Variants in CEACAM6 observed in about 807,000 individuals in gnomAD.
The protein encoded by CEACAM6 is cell adhesion molecule CEACAM6.
Under a neutral mutation model 32.4 loss-of-function variants are expected in CEACAM6, and 21 were observed. The ratio of observed to expected loss-of-function variants is 0.65; its 90% CI spans 0.46 to 0.93. The LOEUF (loss-of-function observed/expected upper bound fraction) is 0.93, where lower values mean the gene tolerates loss of function less well. Ranked by LOEUF, CEACAM6 falls within the 40% of genes least tolerant of loss-of-function variation. The probability of loss-of-function intolerance (pLI) is 0.00; values close to 1 mark genes in which losing one functional copy is unlikely to be tolerated. For missense variants in CEACAM6, 406 were observed against 432.2 expected, an observed-to-expected ratio of 0.94 and a Z score of 0.54; for synonymous variants, 184 against 174.4, an observed-to-expected ratio of 1.06 and a Z score of -0.43.
rs144726013 is a variant in CEACAM6, at chr19:41,756,643, C to T, written c.108C>T (p.Leu36=). 2.5e-4 allele frequency: 404 copies of T among 1,614,140 alleles called. 1 individual carries two copies. In the East Asian group the frequency reaches 2.9e-3, roughly 12 times the overall value. ...TFWNPPTTAK[L]TIESTPFNVA... ...GGAACCCACCCACCACTGCCAAGCT[C>T]ACTATTGAATCCACGCCGTTCAATG... Residue 36 remains leucine (L), a synonymous_variant, in exon 2 of 6, where the codon CTC becomes CTT. Transcript: ENST00000199764.
At chr19:41,759,497 A>G (rs1188662177) in intron 2 of CEACAM6, among the ~76,000 whole-genome samples, 2 of 152,168 alleles carry the variant, frequency 1.3e-5, no homozygotes, top group African/African-American at 2.4e-5. Context: ...CCTTTATGTA[A>G]CTGACACACA....
At chr19:41,770,666 A>G (rs1399927339) in intron 5 of CEACAM6, 136 bp from the exon 6 acceptor site, 1 of 152,238 alleles carries the variant, frequency 6.6e-6, no homozygotes, top group Non-Finnish European at 1.5e-5. Flanking sequence ...GAAAACAAAT[A>G]TGTCTTACTG....
chr19:41,758,409 C>T (rs2072902397), intron 2 of CEACAM6, among the ~76,000 whole-genome samples: 1 of 152,180 alleles, frequency 6.6e-6, no homozygotes, highest in African/African-American at 2.4e-5. Flanking sequence ...TAGAGACCGG[C>T]TCCTGGATGC....
At position 41,756,710 on chromosome 19, in the gene CEACAM6, C is replaced by T. The variant is rs1555821115; in HGVS notation, c.175C>T (p.Pro59Ser). 6 of 1,614,130 alleles carry T rather than the reference C, an allele frequency of 3.7e-6. No homozygotes were observed. Among genetic ancestry groups the T allele is most frequent in the Non-Finnish European group, 5.1e-6 (6 of 1,180,028 alleles). ...KEVLLLAHNL[P>S]QNRIGYSWYK... is the part of the protein sequence containing the mutation. ...GGTTCTTCTACTCGCCCACAACCTG[C>T]CCCAGAATCGTATTGGTTACAGCTG... The change falls in exon 2 of 6, where the codon CCC (proline) becomes TCC (serine). Residue 59 changes from proline to serine, a missense_variant. By Grantham distance (74) the Pro-to-Ser change is moderately conservative. Transcript: ENST00000199764.
At position 41,761,309 on chromosome 19, in the gene CEACAM6, C is replaced by T. The variant is rs2072922112; in HGVS notation, c.485C>T (p.Ala162Val). 3 of 1,614,212 alleles carry T rather than the reference C, an allele frequency of 1.9e-6. No individual in the cohort carries two copies. The highest frequency in any genetic ancestry group is 2.5e-6 in the Non-Finnish European group (3 of 1,180,036). Residue 162 changes from alanine to valine, a missense_variant, in exon 3 of 6, where the codon GCT (alanine) becomes GTT (valine). Transcript: ENST00000199764. ...TCCAACCCCGTGGAGGACAAGGATG[C>T]TGTGGCCTTCACCTGTGAACCTGAG... ...NNSNPVEDKD[A>V]VAFTCEPEVQ...
intron 1 of CEACAM6, among the ~76,000 whole-genome samples, chr19:41,755,942 T>C (rs1195699790): frequency 3.3e-5 from 5 of 152,036 alleles, no homozygotes; most frequent in Non-Finnish European, 7.4e-5. Context: ...TCATTACCAT[T>C]TGAAAAAAAA....
intron 4 of CEACAM6, 26 bp downstream of exon 4, chr19:41,762,249 A>T: frequency 6.2e-7 from 1 of 1,602,486 alleles, no homozygotes; most frequent in Middle Eastern, 1.7e-4. Context: ...AAGCACTAGC[A>T]TCACATTTTC....
At position 41,755,667 on chromosome 19, in the gene CEACAM6, G is replaced by A. The variant is rs1452460745; in HGVS notation, c.29G>A (p.Arg10Lys). The change falls in exon 1 of 6, where the codon AGA becomes AAA. Residue 10 changes from arginine (R) to lysine (K), a missense_variant. Transcript: ENST00000199764. MGPPSAPPC[R>K]LHVPWKEVLL... is the part of the protein sequence containing the mutation. ...GGACCCCCCTCAGCCCCTCCCTGCAGATTGCATGTCCCCTGGAAGGAGGTC... is the reference window on the plus strand; with the variant it reads ...GGACCCCCCTCAGCCCCTCCCTGCAAATTGCATGTCCCCTGGAAGGAGGTC... The A allele has an allele frequency of 3.1e-6, 5 of 1,608,416 alleles. No homozygotes were observed. Among genetic ancestry groups the A allele is most frequent in the Non-Finnish European group, 4.2e-6 (5 of 1,177,618 alleles).
intron 4 of CEACAM6, among the ~76,000 whole-genome samples, chr19:41,762,513 G>C (rs1473526891): frequency 1.3e-5 from 2 of 152,094 alleles, no homozygotes; most frequent in African/African-American, 4.8e-5. Context: ...GGGCTTCACA[G>C]AGAAAAAAGG....
At chr19:41,767,080 A>C (rs559215894) in intron 5 of CEACAM6, among the ~76,000 whole-genome samples, 1 of 151,256 alleles carries the variant, frequency 6.6e-6, no homozygotes, top group South Asian at 2.1e-4. Context: ...TCTTCTCTTT[A>C]CTAATTCTTC....
rs181925778 is a variant in CEACAM6, at chr19:41,756,868, C to T, written c.333C>T (p.Asn111=). 176 of 1,614,162 alleles carry T rather than the reference C, an allele frequency of 1.1e-4. No homozygotes were observed. In the East Asian group the frequency reaches 2.0e-3, roughly 18 times the overall value. Residue 111 remains asparagine, a synonymous_variant, in exon 2 of 6, where the codon AAC becomes AAT. Transcript: ENST00000199764. ...IYPNASLLIQ[N]VTQNDTGFYT... is the part of the protein sequence containing the mutation. ...CCAATGCATCCCTGCTGATCCAGAA[C>T]GTCACCCAGAATGACACAGGATTCT...
At chr19:41,756,111 A>G (rs2072883453) in intron 1 of CEACAM6, among the ~76,000 whole-genome samples, 1 of 152,212 alleles carries the variant, frequency 6.6e-6, no homozygotes, top group Non-Finnish European at 1.5e-5. Context: ...AATTTTAGTC[A>G]ATGGCATACA....
chr19:41,755,651 T>C lies in CEACAM6; in HGVS notation c.13T>C (p.Ser5Pro), dbSNP rs1314949384. 6.2e-7 allele frequency: 1 copy of C among 1,610,288 alleles called. No homozygotes were observed. The highest frequency in any genetic ancestry group is 1.3e-5 in the African/African-American group (1 of 74,628). Residue 5 changes from serine to proline, a missense_variant, in exon 1 of 6, where the codon TCA (serine) becomes CCA (proline). Transcript: ENST00000199764. ...GACAGCAGAGACCATGGGACCCCCC[T>C]CAGCCCCTCCCTGCAGATTGCATGT... MGPP[S>P]APPCRLHVPW... is the part of the protein sequence containing the mutation.
chr19:41,769,012 T>G (rs1412859923), intron 5 of CEACAM6, among the ~76,000 whole-genome samples: 1 of 152,102 alleles, frequency 6.6e-6, no homozygotes, highest in African/African-American at 2.4e-5. Flanking sequence ...ATGGCGTGAT[T>G]TCGGCTCACC....
rs1568723376 is a variant in CEACAM6, at chr19:41,755,699, AC to A, written c.62del (p.Thr21LysfsTer5). ...TGTCCCCTGGAAGGAGGTCCTGCTCACAGGTGAGGGGAGGACTCCCTCGGAG... is the reference window on the plus strand; with the variant it reads ...TGTCCCCTGGAAGGAGGTCCTGCTCAAGGTGAGGGGAGGACTCCCTCGGAG... ...LHVPWKEVLLTASLLTFWNPP... is the reference protein window; with the variant it reads ...LHVPWKEVLLXASLLTFWNPP... On this transcript the variant is annotated frameshift_variant and splice_region_variant, in exon 1 of 6. Transcript: ENST00000199764. LOFTEE classifies it high-confidence loss of function. 6.2e-7 allele frequency: 1 copy of A among 1,604,826 alleles called. No individual in the cohort carries two copies. Among genetic ancestry groups the A allele is most frequent in the South Asian group, 1.1e-5 (1 of 90,204 alleles).
intron 2 of CEACAM6, among the ~76,000 whole-genome samples, chr19:41,758,960 G>A (rs1379257475): frequency 6.6e-6 from 1 of 152,210 alleles, no homozygotes; most frequent in Admixed American, 6.5e-5. Flanking sequence ...CCCCAGTGAG[G>A]CCGACATGTG....
chr19:41,761,449 G>T lies in CEACAM6; in HGVS notation c.625G>T (p.Asp209Tyr). Residue 209 changes from aspartate to tyrosine, a missense_variant, in exon 3 of 6, where the codon GAT becomes TAT. Coordinates refer to ENST00000199764, the MANE Select transcript of CEACAM6 (RefSeq NM_002483.7). Reference sequence around the variant, plus strand: ...CACTCTACTCAGCGTCAAAAGGAACGATGCAGGATCCTATGAATGTGAAAT... The same window carrying T: ...CACTCTACTCAGCGTCAAAAGGAACTATGCAGGATCCTATGAATGTGAAAT... ...TLTLLSVKRNDAGSYECEIQN... is the reference protein window; with the variant it reads ...TLTLLSVKRNYAGSYECEIQN... 1 of 1,614,180 alleles carries T rather than the reference G, an allele frequency of 6.2e-7. No homozygotes were observed. The highest frequency in any genetic ancestry group is 8.5e-7 in the Non-Finnish European group (1 of 1,180,040).
intron 4 of CEACAM6, among the ~76,000 whole-genome samples, chr19:41,762,567 A>G (rs1358485142): frequency 6.6e-6 from 1 of 152,106 alleles, no homozygotes; most frequent in Non-Finnish European, 1.5e-5. Flanking sequence ...TGTCACCAAC[A>G]ATTCCCTTTC....
intron 2 of CEACAM6, among the ~76,000 whole-genome samples, chr19:41,758,933 C>T (rs2052506463): frequency 6.6e-6 from 1 of 152,168 alleles, no homozygotes; most frequent in Non-Finnish European, 1.5e-5. Flanking sequence ...CACTGTGTCC[C>T]CATCCAGGGC....
Sources: gnomAD v4.1 joint callset for allele counts (sites outside exome capture counted in the v4.1 genomes callset) on GRCh38, gnomAD v4.1.1 for gene constraint, MANE v1.5 for transcripts, NCBI Gene and HGNC (gene_info 2026-07-23, HGNC 2026-07-21) for gene names.